The following MAP4 variants were observed in gnomAD, a reference collection of about 807,000 sequenced individuals.
MAP4 encodes microtubule associated protein 4, also known as microtubule-associated protein 4.
MAP4 carries 76 observed loss-of-function variants against 170.2 expected under a neutral mutation model. That is an observed-to-expected ratio of 0.45 (90% CI 0.37 to 0.54). MAP4 has a LOEUF of 0.54. Among genes scored for constraint, MAP4 ranks in the 20% least tolerant of loss-of-function variants. The pLI is 0.00. For synonymous variants in MAP4, 909 were observed against 994.5 expected (o/e 0.91, Z 1.62); for missense variants, 2,506 against 2,748.0 (o/e 0.91, Z 1.97).
intron 10 of MAP4, among the ~76,000 whole-genome samples, chr3:47,888,886 A>C (rs887978633): frequency 6.6e-6 from 1 of 152,204 alleles, no homozygotes; most frequent in African/African-American, 2.4e-5. Context: ...AATGGCTCAG[A>C]TTGGTTAAGA....
intron 17 of MAP4, 131 bp from the exon 18 acceptor site, chr3:47,857,643 T>G: frequency 4.5e-6 from 3 of 671,882 alleles, no homozygotes; most frequent in Non-Finnish European, 7.9e-6. Context: ...CTCAGTCTGG[T>G]CAAAGACAAG....
At chr3:48,030,752 T>C (rs1472332833) in intron 1 of MAP4, among the ~76,000 whole-genome samples, 10 of 138,780 alleles carry the variant, frequency 7.2e-5, no homozygotes, top group South Asian at 2.2e-4. Context: ...TGAGCCGAGA[T>C]TGTACCACTG....
chr3:48,003,301 A>C (rs1419278619), intron 1 of MAP4, among the ~76,000 whole-genome samples: 1 of 151,778 alleles, frequency 6.6e-6, no homozygotes, highest in African/African-American at 2.4e-5. Flanking sequence ...AAAAATACAA[A>C]ATATTAGCCA....
chr3:47,851,736 A>G lies in MAP4; in HGVS notation c.*1198T>C, dbSNP rs1025999103. 1 of 152,226 alleles carries G rather than the reference A, an allele frequency of 6.6e-6. No individual in the cohort carries two copies. The highest frequency in any genetic ancestry group is 1.5e-5 in the Non-Finnish European group (1 of 68,066). The allele number at this position is 152,226 out of a possible 1,614,324, so 9.4% of individuals were successfully genotyped here. On this transcript the variant is annotated 3_prime_UTR_variant, in exon 21 of 21. Coordinates refer to ENST00000683076, the MANE Select transcript of MAP4 (RefSeq NM_001385682.1). ...CCTCCCTCCCCTCTCCAGTCAGGGCATAAGGGAAGCAGATAGCCTTAGTCT... is the reference window on the plus strand; with the variant it reads ...CCTCCCTCCCCTCTCCAGTCAGGGCGTAAGGGAAGCAGATAGCCTTAGTCT...
intron 1 of MAP4, among the ~76,000 whole-genome samples, chr3:48,029,803 T>C (rs2100115018): frequency 6.6e-6 from 1 of 151,278 alleles, no homozygotes; most frequent in South Asian, 2.1e-4. Context: ...ATCAAGGCCA[T>C]TCTGGCTAAC....
rs774691291 is a variant in MAP4, at chr3:47,869,333, T to C, written c.6295-6A>G. ...GTTTTTTTCTCTACTTTGGCCTGGA[T>C]GGAGATAAAGGGAGGGCAAATTTCA... is the stretch of plus-strand genomic sequence containing the variant. On this transcript the variant is annotated splice_polypyrimidine_tract_variant and splice_region_variant and intron_variant, in intron 15 of 20. Transcript: ENST00000683076. The C allele has an allele frequency of 4.4e-6, 7 of 1,599,368 alleles. No individual in the cohort carries two copies. The highest frequency in any genetic ancestry group is 4.5e-5 in the East Asian group (2 of 44,822).
At chr3:47,872,611 G>A (rs1161921949) in intron 12 of MAP4, among the ~76,000 whole-genome samples, 1 of 152,184 alleles carries the variant, frequency 6.6e-6, no homozygotes. Flanking sequence ...TGGCCATGCA[G>A]GGTGCTATGT....
intron 13 of MAP4, 40 bp from the exon 14 acceptor site, chr3:47,871,326 TG>T (rs771669631): frequency 1.3e-6 from 2 of 1,487,724 alleles, no homozygotes; most frequent in Non-Finnish European, 1.9e-6. Context: ...TTTAACAAAC[TG>T]ACCTGTTGGA....
chr3:48,060,770 A>G (rs758891954), intron 1 of MAP4, among the ~76,000 whole-genome samples: 4 of 152,054 alleles, frequency 2.6e-5, no homozygotes, highest in Non-Finnish European at 5.9e-5. Context: ...AATAATAATA[A>G]TACAAAAAAA....
chr3:47,882,202 C>T (rs1039358550), intron 10 of MAP4, among the ~76,000 whole-genome samples: 3 of 152,120 alleles, frequency 2.0e-5, no homozygotes, highest in Non-Finnish European at 4.4e-5. Flanking sequence ...TCGCTTGAAC[C>T]TGGGAAGTGA....
intron 3 of MAP4, among the ~76,000 whole-genome samples, chr3:47,944,496 C>T (rs1393665405): frequency 1.3e-5 from 2 of 151,934 alleles, no homozygotes; most frequent in African/African-American, 2.4e-5. Flanking sequence ...TCCATCATTA[C>T]TTCTTTCCTT....
rs1462146838 is a variant in MAP4, at chr3:47,909,968, C to A, written c.4453G>T (p.Asp1485Tyr). ...KSLMVDNYTK[D>Y]GVPGQERPKG... ...GGTCTTTCTTGACCTGGGACTCCATCTTTGGTGTAGTTATCTACCATTAAT... is the reference window on the plus strand; with the variant it reads ...GGTCTTTCTTGACCTGGGACTCCATATTTGGTGTAGTTATCTACCATTAAT... Residue 1485 changes from aspartate to tyrosine, a missense_variant, in exon 9 of 21, where the codon GAT (aspartate) becomes TAT (tyrosine). Asp to Tyr is a radical substitution (Grantham distance 160). Coordinates refer to ENST00000683076, the MANE Select transcript of MAP4 (RefSeq NM_001385682.1). The A allele has an allele frequency of 1.2e-6, 2 of 1,613,878 alleles. No individual in the cohort carries two copies. Among genetic ancestry groups the A allele is most frequent in the Non-Finnish European group, 8.5e-7 (1 of 1,179,904 alleles).
At chr3:47,922,108 T>C (rs1014987500) in intron 4 of MAP4, among the ~76,000 whole-genome samples, 1 of 152,042 alleles carries the variant, frequency 6.6e-6, no homozygotes, top group Non-Finnish European at 1.5e-5. Flanking sequence ...CCACCATGCC[T>C]GGCTAATTTT....
chr3:47,887,666 G>T (rs919970264), intron 10 of MAP4, among the ~76,000 whole-genome samples: 8 of 152,270 alleles, frequency 5.3e-5, no homozygotes, highest in African/African-American at 1.9e-4. Context: ...AACCCAGCTG[G>T]GCTCCTGAGT....
At chr3:47,977,762 T>C in intron 3 of MAP4, 103 bp downstream of exon 3, 1 of 793,518 alleles carries the variant, frequency 1.3e-6, no homozygotes, top group East Asian at 2.5e-5. Flanking sequence ...CCCTCAGAAA[T>C]AATTCATATG....
intron 17 of MAP4, among the ~76,000 whole-genome samples, chr3:47,861,690 C>G (rs1576683344): frequency 6.6e-6 from 1 of 151,602 alleles, no homozygotes; most frequent in Admixed American, 6.6e-5. Context: ...ACAACAACAA[C>G]AAGAACAAGA....
At chr3:48,071,421 G>C (rs760494408) in intron 1 of MAP4, among the ~76,000 whole-genome samples, 1 of 151,728 alleles carries the variant, frequency 6.6e-6, no homozygotes. Flanking sequence ...GGTGGCACAC[G>C]CCTGCAGTCC....
rs2093305421 is a variant in MAP4, at chr3:47,872,007, T to G, written c.5851A>C (p.Thr1951Pro). ...ASRSGSKSTQTVAKTTTAAAV... is the reference protein window; with the variant it reads ...ASRSGSKSTQPVAKTTTAAAV... ...GCAGCTGTTGTGGTTTTTGCAACAG[T>G]CTGAGTGCTCTTGGACCCAGATCTG... is the stretch of plus-strand genomic sequence containing the variant. The change falls in exon 13 of 21, where the codon ACT becomes CCT. Residue 1951 changes from threonine (T) to proline (P), a missense_variant. This residue lies in a region of MAP4 where 487 missense variants were observed against 511.6 expected (regional missense o/e 0.95). Coordinates refer to ENST00000683076, the MANE Select transcript of MAP4 (RefSeq NM_001385682.1). 13 of 1,613,918 alleles carry G rather than the reference T, an allele frequency of 8.1e-6. No homozygotes were observed. The highest frequency in any genetic ancestry group is 1.1e-5 in the Non-Finnish European group (13 of 1,179,992).
intron 1 of MAP4, among the ~76,000 whole-genome samples, chr3:48,039,687 A>G (rs1014886049): frequency 1.3e-5 from 2 of 152,250 alleles, no homozygotes; most frequent in African/African-American, 4.8e-5. Context: ...AAGCAGTCCA[A>G]ATGGTTCTGA....
Sources: allele counts gnomAD v4.1 joint callset (sites outside exome capture counted in the v4.1 genomes callset), GRCh38; gene constraint gnomAD v4.1.1; regional missense constraint gnomAD v4.1.1; transcripts MANE v1.5; gene names NCBI Gene and HGNC (gene_info 2026-07-23, HGNC 2026-07-21).